PPARGC1A: variants seen among roughly 807,000 people sequenced by gnomAD.
PPARGC1A encodes PPARG coactivator 1 alpha.
A neutral mutation model predicts 88.7 loss-of-function variants in PPARGC1A; 25 were observed. That is an observed-to-expected ratio of 0.28 (90% CI 0.21 to 0.39). The LOEUF is 0.39. Ranked by LOEUF, PPARGC1A falls within the 10% of genes least tolerant of loss-of-function variation. The pLI, the probability that PPARGC1A is intolerant of heterozygous loss-of-function variation, is 1.00. For missense variants in PPARGC1A, 880 were observed against 968.7 expected (o/e 0.91, Z 1.22); for synonymous variants, 363 against 355.6 (o/e 1.02, Z -0.24).
chr4:24,072,466 C>T, the PPARGC1A span, among the ~76,000 whole-genome samples: 34 of 152,066 alleles, frequency 2.2e-4, 1 homozygote, highest in East Asian at 4.2e-3. Context: ...TGCCTCCTCT[C>T]GATTTTTTCA....
At chr4:23,863,862 T>C (rs1176586995) in intron 2 of PPARGC1A, among the ~76,000 whole-genome samples, 1 of 152,168 alleles carries the variant, frequency 6.6e-6, no homozygotes, top group Non-Finnish European at 1.5e-5. Flanking sequence ...TTCTCCTGCC[T>C]CAGCTTTCCC....
At chr4:24,245,450 G>A in the PPARGC1A span, among the ~76,000 whole-genome samples, 1 of 152,222 alleles carries the variant, frequency 6.6e-6, no homozygotes, top group South Asian at 2.1e-4. Context: ...CCCTGTGGAA[G>A]CTTCGAGGCC....
chr4:24,354,085 TTCAC>T, the PPARGC1A span, among the ~76,000 whole-genome samples: 565 of 152,254 alleles, frequency 3.7e-3, 1 homozygote, highest in Non-Finnish European at 5.5e-3. Context: ...AGAGTAGTCC[TTCAC>T]TCACTCAAGT....
chr4:24,329,539 G>A, the PPARGC1A span, among the ~76,000 whole-genome samples: 11 of 151,856 alleles, frequency 7.2e-5, no homozygotes, highest in Non-Finnish European at 1.2e-4. Flanking sequence ...CCTCCCCCTG[G>A]GGCTCTTCCT....
intron 7 of PPARGC1A, among the ~76,000 whole-genome samples, chr4:23,818,839 C>CTTTTTT (rs762478316): frequency 1.6e-4 from 8 of 49,024 alleles, no homozygotes; most frequent in African/African-American, 4.7e-4. Flanking sequence ...CCAATGGCAT[C>CTTTTTT]TTTTTTTTTT....
At chr4:24,075,604 G>C in the PPARGC1A span, among the ~76,000 whole-genome samples, 1 of 152,126 alleles carries the variant, frequency 6.6e-6, no homozygotes, top group African/African-American at 2.4e-5. Flanking sequence ...GTGACCCCAT[G>C]GGAGGTAGTT....
At chr4:23,920,903 G>T in the PPARGC1A span, among the ~76,000 whole-genome samples, 1 of 152,242 alleles carries the variant, frequency 6.6e-6, no homozygotes, top group Middle Eastern at 3.4e-3. Context: ...GTTCCAGCCA[G>T]AACTCCCATC....
the PPARGC1A span, among the ~76,000 whole-genome samples, chr4:24,468,032 G>T: frequency 6.6e-6 from 1 of 152,142 alleles, no homozygotes; most frequent in South Asian, 2.1e-4. Context: ...ATGGACACTC[G>T]AGCAGTCAGC....
At chr4:23,943,010 T>A in the PPARGC1A span, among the ~76,000 whole-genome samples, 1 of 152,168 alleles carries the variant, frequency 6.6e-6, no homozygotes. Context: ...ATAATTTGAG[T>A]TGCAGGAATA....
At chr4:24,357,994 T>C in the PPARGC1A span, among the ~76,000 whole-genome samples, 1 of 152,238 alleles carries the variant, frequency 6.6e-6, no homozygotes, top group Non-Finnish European at 1.5e-5. Flanking sequence ...CTAAAGGTGG[T>C]TGAGTCCTTC....
At chr4:24,419,929 A>C in the PPARGC1A span, among the ~76,000 whole-genome samples, 14 of 152,364 alleles carry the variant, frequency 9.2e-5, no homozygotes, top group East Asian at 1.7e-3. Context: ...TGTGTATTTT[A>C]AAGTCTTCAA....
upstream of PPARGC1A, among the ~76,000 whole-genome samples, chr4:23,894,285 G>A (rs1718254494): frequency 6.6e-6 from 1 of 152,072 alleles, no homozygotes; most frequent in Non-Finnish European, 1.5e-5. Flanking sequence ...TCAATTGCTT[G>A]CTTTTAATTC....
the PPARGC1A span, among the ~76,000 whole-genome samples, chr4:23,910,628 T>C: frequency 6.7e-6 from 1 of 149,932 alleles, no homozygotes; most frequent in Non-Finnish European, 1.5e-5. Context: ...TTAGGAGACA[T>C]GGGGTTTCAC....
the PPARGC1A span, among the ~76,000 whole-genome samples, chr4:24,216,962 A>T: frequency 6.6e-6 from 1 of 152,228 alleles, no homozygotes; most frequent in Non-Finnish European, 1.5e-5. Flanking sequence ...CATAAGAGAT[A>T]ACACATTCAA....
chr4:23,916,157 A>G, the PPARGC1A span, among the ~76,000 whole-genome samples: 6 of 152,366 alleles, frequency 3.9e-5, no homozygotes, highest in East Asian at 7.7e-4. Context: ...TAAGTAAATT[A>G]CATTGCCTGG....
intron 10 of PPARGC1A, among the ~76,000 whole-genome samples, chr4:23,802,553 C>A (rs182855303): frequency 6.6e-6 from 1 of 151,962 alleles, no homozygotes; most frequent in Non-Finnish European, 1.5e-5. Flanking sequence ...TGGTGGGCAC[C>A]TGCAATCCCA....
intron 2 of PPARGC1A, chr4:23,883,266 C>T (rs2148828174): frequency 6.6e-6 from 1 of 152,354 alleles, no homozygotes; most frequent in South Asian, 2.1e-4. Flanking sequence ...TCTTCTAAAA[C>T]CCACTTAATC....
the PPARGC1A span, among the ~76,000 whole-genome samples, chr4:24,471,472 A>C: frequency 1.1e-4 from 16 of 152,308 alleles, no homozygotes; most frequent in South Asian, 1.2e-3. This position sits in a 1 kb window ranked among gnomAD's most constrained non-coding sequence, Gnocchi z 5.4. Context: ...TGGGGGCAGC[A>C]GACTACAACA....
At chr4:23,838,637 G>A (rs975655240) in intron 2 of PPARGC1A, among the ~76,000 whole-genome samples, 2 of 152,124 alleles carry the variant, frequency 1.3e-5, no homozygotes, top group Non-Finnish European at 2.9e-5. Flanking sequence ...TGAGAGATAA[G>A]CACATTATAT....
Sources: gnomAD v4.1 joint callset for allele counts (sites outside exome capture counted in the v4.1 genomes callset) on GRCh38, gnomAD v4.1.1 for gene constraint, Gnocchi (gnomAD v3.1) non-coding constraint, MANE v1.5 for transcripts, NCBI Gene and HGNC (gene_info 2026-07-23, HGNC 2026-07-21) for gene names.